MBP: variants seen among roughly 807,000 people sequenced by gnomAD.
The protein encoded by MBP is Golli-MBP.
A neutral mutation model predicts 35.8 loss-of-function variants in MBP; 16 were observed. The observed-to-expected ratio is 0.45, with a 90% CI of 0.30 to 0.68. MBP has a LOEUF of 0.68. Ranked by LOEUF, MBP falls within the 30% of genes least tolerant of loss-of-function variation. The pLI, the probability that MBP is intolerant of heterozygous loss-of-function variation, is 0.08. For missense variants in MBP, 380 were observed against 404.7 expected (o/e 0.94, Z 0.52); for synonymous variants, 143 against 159.6 (o/e 0.90, Z 0.78).
At chr18:76,997,782 A>C (rs74355363) in intron 4 of MBP, among the ~76,000 whole-genome samples, 4,242 of 150,826 alleles carry the variant, frequency 0.028, 78 homozygotes, top group Middle Eastern at 0.058. Flanking sequence ...TCCCGGGTTC[A>C]CGCCACTCTC....
chr18:77,041,761 C>T (rs1207293398), intron 3 of MBP, among the ~76,000 whole-genome samples: 3 of 123,608 alleles, frequency 2.4e-5, no homozygotes, highest in Non-Finnish European at 4.7e-5. Context: ...GGGAACATCA[C>T]ACACTGGGAC....
intron 8 of MBP, chr18:76,982,215 GAT>G (rs1969246425): frequency 6.6e-6 from 1 of 152,250 alleles, no homozygotes; most frequent in Admixed American, 6.5e-5. Flanking sequence ...AAGGAGCCAG[GAT>G]TAGAGCCTGC....
chr18:76,988,778 TG>T lies in MBP; in HGVS notation c.717+98del. 7.0e-7 allele frequency: 1 copy of T among 1,438,022 alleles called. No individual in the cohort carries two copies. The highest frequency in any genetic ancestry group is 9.5e-7 in the Non-Finnish European group (1 of 1,047,592). 89.1% of individuals were successfully genotyped at this position (1,438,022 alleles called of 1,614,324 possible). On this transcript the variant is annotated intron_variant, in intron 6 of 8. Coordinates refer to ENST00000355994, the MANE Select transcript of MBP (RefSeq NM_001025101.2). The surrounding 1 kb of genome is among the most constrained non-coding windows in gnomAD (Gnocchi z 5.2). The stretch of plus-strand genomic sequence containing the variant: ...TGGCAACACGTTTTGGGATGGATTC[TG>T]GTAGCTCGGAGCCTAACTCTCTCTT...
At chr18:77,038,933 G>A (rs73486813) in intron 3 of MBP, among the ~76,000 whole-genome samples, 22,849 of 152,166 alleles carry the variant, frequency 0.15, 1,771 homozygotes, top group East Asian at 0.31. Flanking sequence ...AGTGAGAGGC[G>A]TCTTCAAACT....
rs1969106311 is a variant in MBP at position 76,980,314 on chromosome 18, G to T, written c.*113C>A. 2.1e-6 allele frequency: 2 copies of T among 971,630 alleles called. No homozygotes were observed. Among genetic ancestry groups the T allele is most frequent in the African/African-American group, 3.2e-5 (2 of 62,614 alleles). 60.2% of individuals were successfully genotyped at this position (971,630 alleles called of 1,614,324 possible). ...CCCTACTACGTGCACAACTCCGCAG[G>T]CATTAGGGGAGGGGTCATCTGCTCT... On this transcript the variant is annotated 3_prime_UTR_variant, in exon 9 of 9. Transcript: ENST00000355994.
chr18:77,107,560 AAG>A (rs1290603850), intron 1 of MBP, among the ~76,000 whole-genome samples: 1 of 152,210 alleles, frequency 6.6e-6, no homozygotes, highest in Non-Finnish European at 1.5e-5. Context: ...CTGGTAGACA[AAG>A]AGAGCTATTT....
At chr18:77,025,893 T>A (rs1972201211) in intron 3 of MBP, among the ~76,000 whole-genome samples, 4 of 152,054 alleles carry the variant, frequency 2.6e-5, no homozygotes. Flanking sequence ...CGCTGCTGCC[T>A]TTCTGGCACA....
At chr18:77,112,312 C>G (rs183687550) in intron 1 of MBP, among the ~76,000 whole-genome samples, 53 of 152,334 alleles carry the variant, frequency 3.5e-4, no homozygotes, top group African/African-American at 1.1e-3. Context: ...CTGCACACTC[C>G]TTCCGTCATC....
At chr18:77,029,194 C>T (rs1222130127) in intron 3 of MBP, among the ~76,000 whole-genome samples, 4 of 138,768 alleles carry the variant, frequency 2.9e-5, no homozygotes, top group Admixed American at 7.4e-5. Flanking sequence ...GGATCACTCG[C>T]GGTTAGGAGC....
chr18:77,040,426 A>G (rs1408887189), intron 3 of MBP, among the ~76,000 whole-genome samples: 1 of 152,228 alleles, frequency 6.6e-6, no homozygotes, highest in East Asian at 1.9e-4. Flanking sequence ...ATTGGAAAAA[A>G]CTACTTTAAA....
chr18:77,068,228 A>T (rs1974284152), intron 2 of MBP, among the ~76,000 whole-genome samples: 1 of 152,208 alleles, frequency 6.6e-6, no homozygotes, highest in African/African-American at 2.4e-5. Flanking sequence ...TCACGTTGTG[A>T]AATTAAATTG....
intron 3 of MBP, among the ~76,000 whole-genome samples, chr18:77,064,805 GATC>G (rs1306339006): frequency 2.0e-5 from 3 of 152,220 alleles, no homozygotes; most frequent in Non-Finnish European, 4.4e-5. Context: ...AGGGTGGCCT[GATC>G]TTGGGGAAAG....
At chr18:77,071,844 C>A (rs573312308) in intron 2 of MBP, among the ~76,000 whole-genome samples, 2 of 152,306 alleles carry the variant, frequency 1.3e-5, no homozygotes, top group East Asian at 3.9e-4. Flanking sequence ...GAGCCAAGCC[C>A]TGTCCATCAC....
intron 3 of MBP, among the ~76,000 whole-genome samples, chr18:77,026,391 A>G (rs933710899): frequency 2.0e-5 from 3 of 152,276 alleles, no homozygotes; most frequent in African/African-American, 7.2e-5. Context: ...ATAGGAAAAC[A>G]TAACGAATAA....
chr18:77,084,450 C>CAA (rs1975137293), intron 2 of MBP, among the ~76,000 whole-genome samples: 1 of 150,090 alleles, frequency 6.7e-6, no homozygotes, highest in Non-Finnish European at 1.5e-5. Flanking sequence ...CACACACACA[C>CAA]ACACACACAC....
chr18:77,075,660 C>T (rs1271452518), intron 2 of MBP, among the ~76,000 whole-genome samples: 3 of 152,186 alleles, frequency 2.0e-5, no homozygotes, highest in Non-Finnish European at 4.4e-5. Flanking sequence ...CTATTGAAGA[C>T]CCGCGTGAAC....
At chr18:77,027,066 T>C (rs3900176) in intron 3 of MBP, among the ~76,000 whole-genome samples, 84,788 of 151,892 alleles carry the variant, frequency 0.56, 24,840 homozygotes, top group Non-Finnish European at 0.64. Flanking sequence ...ATTTGCATCG[T>C]TCCCATCTAA....
At chr18:77,133,196 C>T (rs549322453), upstream of MBP, among the ~76,000 whole-genome samples, 1 of 152,196 alleles carries the variant, frequency 6.6e-6, no homozygotes, top group African/African-American at 2.4e-5. Context: ...TTGGCGCAGC[C>T]CCGGCCCTGC....
In MBP at chr18:76,999,893, A is replaced by G. The variant is rs541321833; in HGVS notation, c.577-9833T>C. 5.3e-5 allele frequency among the ~76,000 whole-genome samples: 8 copies of G among 152,268 alleles called. No homozygotes were observed. In the South Asian group the frequency reaches 1.7e-3, roughly 32 times the overall value. ...ATTTGTGTCTTCTGGGCCATCCCCA[A>G]CCTGTTTCAAGTACTGCACTTTCTT... On this transcript the variant is annotated intron_variant, in intron 4 of 8. Transcript: ENST00000355994.
Sources: allele counts gnomAD v4.1 joint callset (sites outside exome capture counted in the v4.1 genomes callset), GRCh38; gene constraint gnomAD v4.1.1; non-coding constraint Gnocchi (gnomAD v3.1); transcripts MANE v1.5; gene names NCBI Gene and HGNC (gene_info 2026-07-23, HGNC 2026-07-21).